Variants in SQLE observed in about 807,000 individuals in gnomAD.
SQLE encodes squalene epoxidase.
Under a neutral mutation model 60.7 loss-of-function variants are expected in SQLE, and 29 were observed. That is an observed-to-expected ratio of 0.48 (90% CI 0.36 to 0.65). The LOEUF (loss-of-function observed/expected upper bound fraction) is 0.65, where lower values mean the gene tolerates loss of function less well. Ranked by LOEUF, SQLE falls within the 30% of genes least tolerant of loss-of-function variation. SQLE has a pLI of 0.00. For synonymous variants in SQLE, 237 were observed against 246.8 expected (o/e 0.96, Z 0.37); for missense variants, 605 against 684.1 (o/e 0.88, Z 1.29).
At position 125,022,143 on chromosome 8, in the gene SQLE, A is replaced by G; in HGVS notation, c.*198A>G. ...ATGCTTTAATTTGCAATTTAAAATG[A>G]AGGGGTTAAATAAGTTAGACATTTA... On this transcript the variant is annotated 3_prime_UTR_variant, in exon 11 of 11. Transcript: ENST00000265896. 1 of 368,414 alleles carries G rather than the reference A, an allele frequency of 2.7e-6. No individual in the cohort carries two copies. Among genetic ancestry groups the G allele is most frequent in the East Asian group, 4.0e-5 (1 of 25,106 alleles). 22.8% of individuals were successfully genotyped at this position (368,414 alleles called of 1,614,324 possible).
chr8:125,000,365 G>C (rs904911498), intron 1 of SQLE, among the ~76,000 whole-genome samples: 1 of 152,188 alleles, frequency 6.6e-6, no homozygotes, highest in South Asian at 2.1e-4. Flanking sequence ...ATGAGTGTTC[G>C]GGCTTTTTCC....
At chr8:125,013,796 A>G (rs1170695921) in intron 7 of SQLE, among the ~76,000 whole-genome samples, 1 of 151,986 alleles carries the variant, frequency 6.6e-6, no homozygotes, top group Non-Finnish European at 1.5e-5. Flanking sequence ...CAGTTGTCCC[A>G]GTATCATTTG....
At chr8:125,010,158 A>G (rs1462005876) in intron 6 of SQLE, among the ~76,000 whole-genome samples, 1 of 152,216 alleles carries the variant, frequency 6.6e-6, no homozygotes, top group Non-Finnish European at 1.5e-5. Context: ...GGTTGATATC[A>G]GGTCTGTCTG....
In SQLE at chr8:125,018,736, A is replaced by T. The variant is rs760377650; in HGVS notation, c.1444+9A>T. 1 of 1,565,696 alleles carries T rather than the reference A, an allele frequency of 6.4e-7. No homozygotes were observed. Among genetic ancestry groups the T allele is most frequent in the Non-Finnish European group, 8.7e-7 (1 of 1,150,796 alleles). On this transcript the variant is annotated intron_variant, in intron 9 of 10. Transcript: ENST00000265896. ...ATTTTCTGCCACAGATGGTAAGTGT[A>T]GACACTTTTTAGTGAATATTACTCA...
intron 1 of SQLE, among the ~76,000 whole-genome samples, chr8:125,002,914 A>G (rs1814880048): frequency 1.3e-5 from 2 of 152,172 alleles, no homozygotes; most frequent in South Asian, 2.1e-4. Context: ...TCTGTATAAC[A>G]TTTTCCAAAT....
chr8:124,999,755 C>G (rs1814811949), intron 1 of SQLE, 61 bp downstream of exon 1: 1 of 1,498,144 alleles, frequency 6.7e-7, no homozygotes, highest in Non-Finnish European at 8.9e-7. Context: ...TGGGTTCACT[C>G]AAATATAAGT....
At position 125,016,141 on chromosome 8, in the gene SQLE, A is replaced by C. The variant is rs751732101; in HGVS notation, c.1205-1918A>C. 3.3e-5 allele frequency among the ~76,000 whole-genome samples: 5 copies of C among 152,028 alleles called. No individual in the cohort carries two copies. Among genetic ancestry groups the C allele is most frequent in the African/African-American group, 7.3e-5 (3 of 41,366 alleles). ...GTAGCTTTCTTGTGCTTGAATATTG[A>C]TATCTTTCTCTAGATTTGGGAAGTT... On this transcript the variant is annotated intron_variant, in intron 7 of 10. Transcript: ENST00000265896. The surrounding 1 kb of genome is among the most constrained non-coding windows in gnomAD (Gnocchi z 4.1).
intron 8 of SQLE, among the ~76,000 whole-genome samples, 158 bp from the exon 9 acceptor site, chr8:125,018,473 T>C (rs905499884): frequency 6.6e-6 from 1 of 152,216 alleles, no homozygotes; most frequent in African/African-American, 2.4e-5. Context: ...CCCATTGCTC[T>C]GAAGGTGATT....
intron 9 of SQLE, 126 bp downstream of exon 9, chr8:125,018,853 G>A (rs1815153266): frequency 1.5e-6 from 1 of 666,078 alleles, no homozygotes; most frequent in East Asian, 3.0e-5. Flanking sequence ...TCCCAAGTTG[G>A]TAGTTTTTTA....
In SQLE at chr8:124,999,374, G is replaced by C; in HGVS notation, c.-30G>C. 6.8e-7 allele frequency: 1 copy of C among 1,480,956 alleles called. No homozygotes were observed. The highest frequency in any genetic ancestry group is 9.0e-7 in the Non-Finnish European group (1 of 1,115,452). 91.7% of individuals were successfully genotyped at this position (1,480,956 alleles called of 1,614,324 possible). A position where few individuals can be genotyped will look rare whatever the true frequency, so the allele number is the denominator to read the frequency against. On this transcript the variant is annotated 5_prime_UTR_variant, in exon 1 of 11. Coordinates refer to ENST00000265896, the MANE Select transcript of SQLE (RefSeq NM_003129.4). ...CACTCGAGCAGATAATCTCCGCCTT[G>C]ACCGGTGCCACCAAAGAAGCCTTGG...
At chr8:125,004,951 G>A (rs1814923961) in intron 2 of SQLE, among the ~76,000 whole-genome samples, 1 of 152,084 alleles carries the variant, frequency 6.6e-6, no homozygotes, top group Non-Finnish European at 1.5e-5. Flanking sequence ...ATTATTTGAT[G>A]TACTAAAAAG....
At chr8:125,004,515 A>G (rs1814915811) in intron 2 of SQLE, among the ~76,000 whole-genome samples, 1 of 151,246 alleles carries the variant, frequency 6.6e-6, no homozygotes, top group Non-Finnish European at 1.5e-5. Context: ...CAGTTTTATC[A>G]TAATCTCATC....
At position 124,998,553 on chromosome 8, in the gene SQLE, G is replaced by A; in HGVS notation, c.-851G>A. On this transcript the variant is annotated 5_prime_UTR_variant, in exon 1 of 11. Transcript: ENST00000265896. ...AGTGGGGGCGTGCGACGGTTACTCT[G>A]GTTACTGGGGCCGCGCCGCGCTGGC... 1 of 682,316 alleles carries A rather than the reference G, an allele frequency of 1.5e-6. No homozygotes were observed. Among genetic ancestry groups the A allele is most frequent in the Non-Finnish European group, 2.7e-6 (1 of 376,188 alleles). 42.3% of individuals were successfully genotyped at this position (682,316 alleles called of 1,614,324 possible).
At chr8:125,021,026 G>A (rs1451805027) in intron 10 of SQLE, 155 bp downstream of exon 10, 19 of 599,402 alleles carry the variant, frequency 3.2e-5, no homozygotes, top group Middle Eastern at 3.1e-4. Flanking sequence ...ATGAAGAAAC[G>A]CAATATTTAG....
In SQLE at chr8:125,009,040, A is replaced by G. The variant is rs1229589438; in HGVS notation, c.892A>G (p.Asn298Asp). ...FSKFRKSLVSNKVSVSSHFVG... is the reference protein window; with the variant it reads ...FSKFRKSLVSDKVSVSSHFVG... ...CAAGTTCAGGAAAAGCCTGGTCTCCAATAAAGTTTCTGTATCATCTCATTT... is the reference window on the plus strand; with the variant it reads ...CAAGTTCAGGAAAAGCCTGGTCTCCGATAAAGTTTCTGTATCATCTCATTT... The change falls in exon 5 of 11, where the codon AAT becomes GAT. Residue 298 changes from asparagine (N) to aspartate (D), a missense_variant. Transcript: ENST00000265896. 1.2e-6 allele frequency: 2 copies of G among 1,603,832 alleles called. No individual in the cohort carries two copies. Among genetic ancestry groups the G allele is most frequent in the Non-Finnish European group, 1.7e-6 (2 of 1,176,094 alleles).
chr8:125,000,945 A>G (rs544297071), intron 1 of SQLE, among the ~76,000 whole-genome samples: 1 of 152,000 alleles, frequency 6.6e-6, no homozygotes, highest in Non-Finnish European at 1.5e-5. Context: ...AGAATCTGTT[A>G]CCTCTTCCAT....
intron 1 of SQLE, among the ~76,000 whole-genome samples, chr8:125,001,506 A>G (rs2129869730): frequency 6.7e-6 from 1 of 150,184 alleles, no homozygotes; most frequent in East Asian, 1.9e-4. Flanking sequence ...AACAGGAAAA[A>G]CTTATGAAGA....
At chr8:125,008,859 A>C in intron 4 of SQLE, 112 bp from the exon 5 acceptor site, 6 of 709,330 alleles carry the variant, frequency 8.5e-6, no homozygotes, top group Non-Finnish European at 1.3e-5. Context: ...ACTACTCTCT[A>C]TAATGCTATC....
intron 7 of SQLE, among the ~76,000 whole-genome samples, chr8:125,017,556 T>C (rs773672421): frequency 6.6e-6 from 1 of 152,042 alleles, no homozygotes; most frequent in Non-Finnish European, 1.5e-5. Context: ...AAAAATGCTG[T>C]CCAGGTGCCA....
Sources: gnomAD v4.1 joint callset for allele counts (sites outside exome capture counted in the v4.1 genomes callset) on GRCh38, gnomAD v4.1.1 for gene constraint, Gnocchi (gnomAD v3.1) non-coding constraint, MANE v1.5 for transcripts, NCBI Gene and HGNC (gene_info 2026-07-23, HGNC 2026-07-21) for gene names.